The following DYNC1I1 variants were observed in gnomAD, a reference collection of about 807,000 sequenced individuals.
DYNC1I1 encodes cytoplasmic dynein 1 intermediate chain 1.
In DYNC1I1, 43 loss-of-function variants were observed where a neutral mutation model predicts 86.6. The ratio of observed to expected loss-of-function variants is 0.50; its 90% CI spans 0.39 to 0.64. DYNC1I1 has a LOEUF of 0.64. DYNC1I1 is among the 30% of genes least tolerant of loss of function. DYNC1I1 has a pLI of 0.00. For synonymous variants in DYNC1I1, 262 were observed against 283.7 expected (o/e 0.92, Z 0.77); for missense variants, 604 against 788.8 (o/e 0.77, Z 2.81).
intron 5 of DYNC1I1, among the ~76,000 whole-genome samples, chr7:95,863,100 C>A (rs1389068412): frequency 2.6e-5 from 4 of 151,788 alleles, no homozygotes; most frequent in African/African-American, 9.7e-5. Flanking sequence ...TCATAATAAC[C>A]CAAAGTGGAA....
intron 1 of DYNC1I1, among the ~76,000 whole-genome samples, chr7:95,775,430 T>C (rs1793816324): frequency 6.6e-6 from 1 of 152,222 alleles, no homozygotes; most frequent in South Asian, 2.1e-4. Flanking sequence ...AGAGGTAGGA[T>C]TCAAATGAGA....
At chr7:95,920,385 C>T (rs766344526) in intron 6 of DYNC1I1, among the ~76,000 whole-genome samples, 56 of 152,228 alleles carry the variant, frequency 3.7e-4, no homozygotes, top group Middle Eastern at 3.4e-3. Context: ...CTAGTGGCAC[C>T]TAAGGAGACA....
At chr7:96,009,457 T>C (rs964342705) in intron 10 of DYNC1I1, among the ~76,000 whole-genome samples, 1 of 152,168 alleles carries the variant, frequency 6.6e-6, no homozygotes, top group African/African-American at 2.4e-5. Flanking sequence ...GCCCTGGGCC[T>C]TCCAGAACTG....
At chr7:95,859,619 C>A (rs1789822035) in intron 5 of DYNC1I1, among the ~76,000 whole-genome samples, 1 of 152,214 alleles carries the variant, frequency 6.6e-6, no homozygotes, top group Non-Finnish European at 1.5e-5. Context: ...GCAGCTGAAG[C>A]CTGCCTGCCA....
intron 16 of DYNC1I1, among the ~76,000 whole-genome samples, chr7:96,085,475 T>C (rs1790650995): frequency 6.6e-6 from 1 of 152,112 alleles, no homozygotes. Context: ...GTAGGTCACA[T>C]GATGCTGTGT....
intron 6 of DYNC1I1, among the ~76,000 whole-genome samples, chr7:95,934,152 A>G (rs150143217): frequency 1.4e-4 from 21 of 152,306 alleles, no homozygotes; most frequent in African/African-American, 5.1e-4. Context: ...GGAGACAGGA[A>G]AACAGCCTGA....
rs531115491 is a variant in DYNC1I1, at chr7:95,831,330, T to C, written c.374+3214T>C. 2.0e-5 allele frequency among the ~76,000 whole-genome samples: 3 copies of C among 152,188 alleles called. No individual in the cohort carries two copies. In the East Asian group the frequency reaches 5.8e-4, roughly 29 times the overall value. On this transcript the variant is annotated intron_variant, in intron 5 of 16. Transcript: ENST00000447467. ...AATATTTGGTAGAACACAATTCACC[T>C]ATGAAATCATTTGGGTTTGGAATAA...
At chr7:95,951,431 A>G (rs901204951) in intron 6 of DYNC1I1, among the ~76,000 whole-genome samples, 3 of 152,172 alleles carry the variant, frequency 2.0e-5, no homozygotes, top group Non-Finnish European at 4.4e-5. Flanking sequence ...AATTTGGGGT[A>G]GTTTTCTCTG....
chr7:95,827,964 C>T (rs1795239163), intron 4 of DYNC1I1, 93 bp from the exon 5 acceptor site: 1 of 1,305,934 alleles, frequency 7.7e-7, no homozygotes, highest in South Asian at 1.2e-5. Flanking sequence ...TGTATATGCT[C>T]TTGCCTTGAT....
intron 6 of DYNC1I1, among the ~76,000 whole-genome samples, chr7:95,906,436 C>G (rs1032915644): frequency 5.3e-5 from 8 of 151,988 alleles, no homozygotes; most frequent in African/African-American, 1.9e-4. Flanking sequence ...ATGCCTTTTC[C>G]TTTTTTTATA....
chr7:95,944,658 A>T (rs1324197826), intron 6 of DYNC1I1, among the ~76,000 whole-genome samples: 1 of 152,154 alleles, frequency 6.6e-6, no homozygotes, highest in African/African-American at 2.4e-5. Context: ...GATTAAGAAA[A>T]TGTGGTACAT....
At chr7:95,910,201 CTG>C (rs1791296193) in intron 6 of DYNC1I1, among the ~76,000 whole-genome samples, 1 of 152,080 alleles carries the variant, frequency 6.6e-6, no homozygotes. Flanking sequence ...CTCCTAAGGC[CTG>C]TGAATTATTT....
intron 6 of DYNC1I1, among the ~76,000 whole-genome samples, chr7:95,939,440 T>C (rs1792139228): frequency 6.6e-6 from 1 of 152,094 alleles, no homozygotes; most frequent in African/African-American, 2.4e-5. Flanking sequence ...CTAAGTCTCT[T>C]TGTAGGTCAC....
At chr7:96,051,023 T>C (rs567963416) in intron 14 of DYNC1I1, among the ~76,000 whole-genome samples, 1 of 152,316 alleles carries the variant, frequency 6.6e-6, no homozygotes, top group Non-Finnish European at 1.5e-5. Context: ...AAATAAAGTA[T>C]GTACTCTTGG....
chr7:95,966,420 G>T (rs1015270594), intron 6 of DYNC1I1, among the ~76,000 whole-genome samples: 3 of 152,216 alleles, frequency 2.0e-5, no homozygotes, highest in Admixed American at 2.0e-4. Flanking sequence ...GAGGGAGAAT[G>T]TGTCCACCAA....
At chr7:96,080,719 G>A (rs1312229775) in intron 16 of DYNC1I1, among the ~76,000 whole-genome samples, 9 of 152,232 alleles carry the variant, frequency 5.9e-5, no homozygotes, top group Middle Eastern at 3.4e-3. Context: ...TTAGAGTCCT[G>A]TAGAATGTCC....
chr7:96,077,472 G>T (rs534446567), intron 15 of DYNC1I1, among the ~76,000 whole-genome samples: 2 of 152,062 alleles, frequency 1.3e-5, no homozygotes, highest in Admixed American at 6.6e-5. Flanking sequence ...TAATCAAAAG[G>T]CATGAGTATG....
In DYNC1I1 at chr7:96,097,585, T is replaced by C. The variant is rs1170868175; in HGVS notation, c.1879T>C (p.Ser627Pro). 3.1e-6 allele frequency: 5 copies of C among 1,613,584 alleles called. No homozygotes were observed. In the Admixed American group the frequency reaches 6.7e-5, roughly 22 times the overall value. Residue 627 changes from serine (S) to proline (P), a missense_variant, in exon 17 of 17, where the codon TCT (serine) becomes CCT (proline). Transcript: ENST00000447467. ...DSEEEGTVEL[S>P]A Reference sequence around the variant, plus strand: ...CGAGGAGGAAGGCACTGTTGAGTTATCTGCCTAGTGGAAATGAGCCACCCC... The same window carrying C: ...CGAGGAGGAAGGCACTGTTGAGTTACCTGCCTAGTGGAAATGAGCCACCCC...
At chr7:96,063,105 A>ATGTGTGTG (rs1434101044) in intron 14 of DYNC1I1, among the ~76,000 whole-genome samples, 133 of 128,724 alleles carry the variant, frequency 1.0e-3, no homozygotes, top group African/African-American at 4.5e-3. Context: ...GTGTGTATAT[A>ATGTGTGTG]TATGTGTGTG....
Sources: gnomAD v4.1 joint callset for allele counts (sites outside exome capture counted in the v4.1 genomes callset) on GRCh38, gnomAD v4.1.1 for gene constraint, MANE v1.5 for transcripts, NCBI Gene and HGNC (gene_info 2026-07-23, HGNC 2026-07-21) for gene names.